KIF20A: variants seen among roughly 807,000 people sequenced by gnomAD.
The protein encoded by KIF20A is kinesin family member 20A, also known as kinesin-like protein KIF20A.
In KIF20A, 66 loss-of-function variants were observed where a neutral mutation model predicts 113.0. The observed-to-expected ratio is 0.58, with a 90% CI of 0.48 to 0.72. The LOEUF is 0.72. Ranked by LOEUF, KIF20A falls within the 30% of genes least tolerant of loss-of-function variation. The pLI is 0.00. For missense variants in KIF20A, 927 were observed against 1,077.6 expected, an observed-to-expected ratio of 0.86 and a Z score of 1.96; for synonymous variants, 376 against 402.3, an observed-to-expected ratio of 0.93 and a Z score of 0.78.
chr5:138,185,054 G>T, intron 14 of KIF20A, 41 bp from the exon 15 acceptor site: 1 of 1,596,196 alleles, frequency 6.3e-7, no homozygotes, highest in Non-Finnish European at 8.6e-7. Flanking sequence ...TCACTCCTCA[G>T]AACCTTCACT....
chr5:138,184,127 C>A lies in KIF20A; in HGVS notation c.1352+22C>A, dbSNP rs774362685. 1.9e-6 allele frequency: 3 copies of A among 1,613,648 alleles called. No homozygotes were observed. The African/African-American group carries it at 4.0e-5, about 22-fold the overall frequency. The stretch of plus-strand genomic sequence containing the variant: ...ACCGGTGAGCTTTTGACTATAATTC[C>A]TGGGCTCTGCAATTTGCTAAGAGAC... On this transcript the variant is annotated intron_variant, in intron 11 of 18. Coordinates refer to ENST00000394894, the MANE Select transcript of KIF20A (RefSeq NM_005733.3).
Position 138,182,911 on chromosome 5 carries a change from A to G in KIF20A, c.753A>G (p.Ile251Met). 2 of 1,614,216 alleles carry G rather than the reference A, an allele frequency of 1.2e-6. No homozygotes were observed. Among genetic ancestry groups the G allele is most frequent in the Non-Finnish European group, 1.7e-6 (2 of 1,180,028 alleles). Residue 251 changes from isoleucine (I) to methionine (M), a missense_variant, in exon 7 of 19, where the codon ATA (isoleucine) becomes ATG (methionine). Physicochemically the swap from Ile to Met is conservative, Grantham distance 10 (BLOSUM62 1). Transcript: ENST00000394894. ...GGAGTGTCTACATCGAAAGTCGGAT[A>G]GGTACCAGCACCAGCTTCGACAGTG... ...LKRSVYIESR[I>M]GTSTSFDSGI...
chr5:138,181,678 A>G lies in KIF20A; in HGVS notation c.325A>G (p.Ser109Gly). 1 of 1,614,202 alleles carries G rather than the reference A, an allele frequency of 6.2e-7. No individual in the cohort carries two copies. Among genetic ancestry groups the G allele is most frequent in the East Asian group, 2.2e-5 (1 of 44,874 alleles). ...QAPKDSFALKSNERGIGQATH... is the reference protein window; with the variant it reads ...QAPKDSFALKGNERGIGQATH... ...ACCCAAGGACTCTTTTGCCCTGAAG[A>G]GCAATGAACGGGGAATTGGCCAAGC... The change falls in exon 4 of 19, where the codon AGC becomes GGC. Residue 109 changes from serine (S) to glycine (G), a missense_variant. Physicochemically the swap from Ser to Gly is moderately conservative, Grantham distance 56. Coordinates refer to ENST00000394894, the MANE Select transcript of KIF20A (RefSeq NM_005733.3).
chr5:138,186,677 C>T (rs1042097890), intron 18 of KIF20A, among the ~76,000 whole-genome samples: 1 of 152,204 alleles, frequency 6.6e-6, no homozygotes, highest in African/African-American at 2.4e-5. Flanking sequence ...TGTCATATTT[C>T]ATCTAAGATG....
At position 138,183,663 on chromosome 5, in the gene KIF20A, A is replaced by G. The variant is rs1462473029; in HGVS notation, c.1140-25A>G. 1.2e-6 allele frequency: 2 copies of G among 1,612,154 alleles called. No individual in the cohort carries two copies. The highest frequency in any genetic ancestry group is 1.7e-6 in the Non-Finnish European group (2 of 1,178,512). On this transcript the variant is annotated intron_variant, in intron 9 of 18. Transcript: ENST00000394894. The surrounding 1 kb of genome is among the most constrained non-coding windows in gnomAD (Gnocchi z 5.2). ...GCCTGGTCATGGAAAATGTGCAATGACTTTTTGTTTTTCTTAACTTCCAGT... is the reference window on the plus strand; with the variant it reads ...GCCTGGTCATGGAAAATGTGCAATGGCTTTTTGTTTTTCTTAACTTCCAGT...
Position 138,183,523 on chromosome 5 carries a change from G to T in KIF20A, c.1081G>T (p.Val361Leu). Reference sequence around the variant, plus strand: ...TGAGGAGGCCTGGAAGCTCCTAAAAGTGGGTCGTAAGAACCAGAGCTTTGC... The same window carrying T: ...TGAGGAGGCCTGGAAGCTCCTAAAATTGGGTCGTAAGAACCAGAGCTTTGC... ...DAEEAWKLLK[V>L]GRKNQSFAST... Residue 361 changes from valine to leucine, a missense_variant, in exon 9 of 19, where the codon GTG becomes TTG. Transcript: ENST00000394894. This position sits in a 1 kb window ranked among gnomAD's most constrained non-coding sequence, Gnocchi z 5.2. 6.2e-7 allele frequency: 1 copy of T among 1,614,148 alleles called. No homozygotes were observed. The highest frequency in any genetic ancestry group is 8.5e-7 in the Non-Finnish European group (1 of 1,180,026).
chr5:138,187,047 T>C, intron 18 of KIF20A, 49 bp from the exon 19 acceptor site: 1 of 1,445,172 alleles, frequency 6.9e-7, no homozygotes, highest in African/African-American at 1.4e-5. Context: ...CTCGTTTCTC[T>C]AATATACCAG....
Position 138,182,986 on chromosome 5 carries a change from G to A in KIF20A, c.828G>A (p.Leu276=), listed in dbSNP as rs377038296. 121 of 1,614,020 alleles carry A rather than the reference G, an allele frequency of 7.5e-5. No homozygotes were observed. The highest frequency in any genetic ancestry group is 9.9e-5 in the Non-Finnish European group (117 of 1,180,040). Residue 276 remains leucine (L), a synonymous_variant, in exon 7 of 19, where the codon CTG becomes CTA. Transcript: ENST00000394894. ...GTCAGTGTACCAGCAGTAGCCAGCT[G>A]GATGGTATGTACCGTGACTGGGCTC... is the stretch of plus-strand genomic sequence containing the variant. ...SISQCTSSSQ[L]DETSHRWAQP...
chr5:138,183,915 CTCAT>C lies in KIF20A; in HGVS notation c.1209-46_1209-43del, dbSNP rs1400274432. 6.2e-7 allele frequency: 1 copy of C among 1,611,790 alleles called. No individual in the cohort carries two copies. The highest frequency in any genetic ancestry group is 1.3e-5 in the African/African-American group (1 of 74,832). On this transcript the variant is annotated intron_variant, in intron 10 of 18. Transcript: ENST00000394894. This position sits in a 1 kb window ranked among gnomAD's most constrained non-coding sequence, Gnocchi z 5.2. The stretch of plus-strand genomic sequence containing the variant: ...CAGAATTATACAAAGGGCCAGAAGG[CTCAT>C]AACATGTGAGGCCCTTATGTCAGAT...
chr5:138,184,664 G>A lies in KIF20A; in HGVS notation c.1671G>A (p.Met557Ile), dbSNP rs771476766. 1.9e-6 allele frequency: 3 copies of A among 1,613,988 alleles called. No homozygotes were observed. The highest frequency in any genetic ancestry group is 1.3e-5 in the African/African-American group (1 of 74,904). The part of the protein sequence containing the change: ...DDIENEADIS[M>I]YGKEELLQVV... The stretch of plus-strand genomic sequence containing the variant: ...TTGAAAATGAAGCTGACATCTCCAT[G>A]TATGGCAAAGAGGTGAGAATACAAG... The change falls in exon 13 of 19, where the codon ATG becomes ATA. Residue 557 changes from methionine to isoleucine, a missense_variant. By Grantham distance (10) the Met-to-Ile change is conservative (BLOSUM62 1). Transcript: ENST00000394894.
At position 138,182,705 on chromosome 5, in the gene KIF20A, C is replaced by G. The variant is rs1754680380; in HGVS notation, c.634C>G (p.Leu212Val). ...KPLLSNEVIW[L>V]DSKQIRQEEM... ...CTTGCTCTCCAATGAGGTAATCTGG[C>G]TAGACAGCAAGCAGATCCGACAGGA... Residue 212 changes from leucine to valine, a missense_variant, in exon 6 of 19, where the codon CTA becomes GTA. Transcript: ENST00000394894. 1 of 1,614,058 alleles carries G rather than the reference C, an allele frequency of 6.2e-7. No individual in the cohort carries two copies. The highest frequency in any genetic ancestry group is 2.2e-5 in the East Asian group (1 of 44,870).
rs41300791 is a variant in KIF20A at position 138,182,825 on chromosome 5, A to G, written c.703-36A>G. 11,755 of 1,613,486 alleles carry G rather than the reference A, an allele frequency of 7.3e-3. 66 individuals are homozygous for G. Among genetic ancestry groups the G allele is most frequent in the Non-Finnish European group, 9.2e-3 (10,802 of 1,179,730 alleles). On this transcript the variant is annotated intron_variant, in intron 6 of 18. Coordinates refer to ENST00000394894, the MANE Select transcript of KIF20A (RefSeq NM_005733.3). ...GGGGTAGGGGGTACAAATCTCGGGG[A>G]AGTTTTGTGCTTACCTTCTCCCTGT...
chr5:138,183,499 G>A lies in KIF20A; in HGVS notation c.1057G>A (p.Glu353Lys). Residue 353 changes from glutamate (E) to lysine (K), a missense_variant, in exon 9 of 19, where the codon GAG (glutamate) becomes AAG (lysine). Glu to Lys is a moderately conservative substitution (Grantham distance 56). Transcript: ENST00000394894. This position sits in a 1 kb window ranked among gnomAD's most constrained non-coding sequence, Gnocchi z 5.2. ...DLNWIHVQDA[E>K]EAWKLLKVGR... ...CAACTGGATTCATGTGCAAGATGCTGAGGAGGCCTGGAAGCTCCTAAAAGT... is the reference window on the plus strand; with the variant it reads ...CAACTGGATTCATGTGCAAGATGCTAAGGAGGCCTGGAAGCTCCTAAAAGT... 5 of 1,614,164 alleles carry A rather than the reference G, an allele frequency of 3.1e-6. No individual in the cohort carries two copies. Among genetic ancestry groups the A allele is most frequent in the Non-Finnish European group, 4.2e-6 (5 of 1,180,028 alleles).
Position 138,183,634 on chromosome 5 carries a change from C to A in KIF20A, c.1139+53C>A. 2 of 1,606,034 alleles carry A rather than the reference C, an allele frequency of 1.2e-6. No homozygotes were observed. Among genetic ancestry groups the A allele is most frequent in the South Asian group, 1.1e-5 (1 of 90,892 alleles). On this transcript the variant is annotated intron_variant, in intron 9 of 18. Transcript: ENST00000394894. The surrounding 1 kb of genome is among the most constrained non-coding windows in gnomAD (Gnocchi z 5.2). ...CACTGTGTTCCAGGAAACATTAGTC[C>A]TCTGCCTGGTCATGGAAAATGTGCA...
At position 138,184,856 on chromosome 5, in the gene KIF20A, G is replaced by T. The variant is rs374968389; in HGVS notation, c.1733G>T (p.Arg578Leu). The T allele has an allele frequency of 2.5e-6, 4 of 1,614,002 alleles. No homozygotes were observed. In the African/African-American group the frequency reaches 5.3e-5, roughly 22 times the overall value. Residue 578 changes from arginine (R) to leucine (L), a missense_variant, in exon 14 of 19, where the codon CGA becomes CTA. Arg to Leu is a moderately radical substitution (Grantham distance 102). Transcript: ENST00000394894. ...EAMKTLLLKE[R>L]QEKLQLEMHL... ...ATGAAGACACTGCTTTTGAAGGAAC[G>T]ACAGGAAAAGCTACAGCTGGAGATG...
At chr5:138,181,177 C>G (rs1379099689) in intron 2 of KIF20A, among the ~76,000 whole-genome samples, 1 of 152,202 alleles carries the variant, frequency 6.6e-6, no homozygotes, top group African/African-American at 2.4e-5. Context: ...TCAATAAATT[C>G]GAACTCAGAT....
In KIF20A at chr5:138,183,101, GCC is replaced by G; in HGVS notation, c.833-65_833-64del. 44 of 1,599,902 alleles carry G rather than the reference GCC, an allele frequency of 2.8e-5. No homozygotes were observed. Among genetic ancestry groups the G allele is most frequent in the Non-Finnish European group, 3.7e-5 (43 of 1,171,130 alleles). ...TGCAATCTAAGGTCTGCCTTCCAAGGCCCCTGCAGGCCAAAAGAGAGGTGAAC... is the reference window on the plus strand; with the variant it reads ...TGCAATCTAAGGTCTGCCTTCCAAGGCCTGCAGGCCAAAAGAGAGGTGAAC... On this transcript the variant is annotated intron_variant, in intron 7 of 18. Coordinates refer to ENST00000394894, the MANE Select transcript of KIF20A (RefSeq NM_005733.3). The surrounding 1 kb of genome is among the most constrained non-coding windows in gnomAD (Gnocchi z 5.2).
Position 138,185,140 on chromosome 5 carries a change from A to G in KIF20A, c.1869A>G (p.Glu623=). ...TQKELLEEMY[E]EKLNILKESL... is the part of the protein sequence containing the mutation. The stretch of plus-strand genomic sequence containing the variant: ...AGGAACTATTGGAGGAAATGTATGA[A>G]GAAAAACTAAATATCCTCAAGGAGT... The change falls in exon 15 of 19, where the codon GAA becomes GAG. Residue 623 remains glutamate, a synonymous_variant. Transcript: ENST00000394894. 2.5e-6 allele frequency: 4 copies of G among 1,614,086 alleles called. No individual in the cohort carries two copies. The highest frequency in any genetic ancestry group is 3.4e-6 in the Non-Finnish European group (4 of 1,179,952).
Position 138,179,680 on chromosome 5 carries a change from C to T in KIF20A, c.-1C>T. ...TTTAGACCTAGGCTGCCCCTGCCGT[C>T]ATGTCGCAAGGGATCCTTTCTCCGC... On this transcript the variant is annotated 5_prime_UTR_variant, in exon 2 of 19. Transcript: ENST00000394894. 6.2e-7 allele frequency: 1 copy of T among 1,613,996 alleles called. No homozygotes were observed. Among genetic ancestry groups the T allele is most frequent in the Non-Finnish European group, 8.5e-7 (1 of 1,180,024 alleles).
Sources: gnomAD v4.1 joint callset for allele counts (sites outside exome capture counted in the v4.1 genomes callset) on GRCh38, gnomAD v4.1.1 for gene constraint, Gnocchi (gnomAD v3.1) non-coding constraint, MANE v1.5 for transcripts, NCBI Gene and HGNC (gene_info 2026-07-23, HGNC 2026-07-21) for gene names.